Variants in SLC35F1 observed in about 807,000 individuals in gnomAD.
SLC35F1 encodes solute carrier family 35 member F1, also known as chromosome 6 open reading frame 169.
SLC35F1 carries 14 observed loss-of-function variants against 48.7 expected under a neutral mutation model. That is an observed-to-expected ratio of 0.29 (90% CI 0.19 to 0.45). The LOEUF (loss-of-function observed/expected upper bound fraction) is 0.45, where lower values mean the gene tolerates loss of function less well. Among genes scored for constraint, SLC35F1 ranks in the 20% least tolerant of loss-of-function variants. SLC35F1 has a pLI of 1.00. For synonymous variants in SLC35F1, 190 were observed against 202.2 expected (o/e 0.94, Z 0.51); for missense variants, 404 against 500.0 (o/e 0.81, Z 1.83).
chr6:118,046,298 A>G (rs771667928), intron 1 of SLC35F1, among the ~76,000 whole-genome samples: 1 of 152,206 alleles, frequency 6.6e-6, no homozygotes, highest in Non-Finnish European at 1.5e-5. Context: ...AAGCTGTGAT[A>G]GTGGCCAAAA....
At chr6:118,222,924 T>G (rs1775169585) in intron 2 of SLC35F1, among the ~76,000 whole-genome samples, 1 of 152,214 alleles carries the variant, frequency 6.6e-6, no homozygotes, top group African/African-American at 2.4e-5. Context: ...CTGACCCAGA[T>G]CTGCAATCAG....
At chr6:117,919,493 C>G (rs997849370) in intron 1 of SLC35F1, among the ~76,000 whole-genome samples, 19 of 152,054 alleles carry the variant, frequency 1.2e-4, no homozygotes, top group African/African-American at 3.9e-4. Context: ...TGGCTTTGCG[C>G]TGTCATCTGG....
At chr6:118,192,374 TTTTACC>T (rs960339633) in intron 2 of SLC35F1, among the ~76,000 whole-genome samples, 1 of 152,130 alleles carries the variant, frequency 6.6e-6, no homozygotes, top group African/African-American at 2.4e-5. Flanking sequence ...CATGGGGAAT[TTTTACC>T]CATGATACGA....
At chr6:118,150,942 T>A (rs1167369463) in intron 1 of SLC35F1, among the ~76,000 whole-genome samples, 4 of 152,096 alleles carry the variant, frequency 2.6e-5, no homozygotes, top group Non-Finnish European at 5.9e-5. Flanking sequence ...AACTCTCTGT[T>A]CTCTTGGTTT....
At chr6:118,223,003 A>G (rs1033668919) in intron 2 of SLC35F1, among the ~76,000 whole-genome samples, 3 of 152,168 alleles carry the variant, frequency 2.0e-5, no homozygotes, top group South Asian at 2.1e-4. Context: ...TCTGGGTTCT[A>G]TGGTGCTTGT....
chr6:118,092,607 C>T (rs906103050), intron 1 of SLC35F1, among the ~76,000 whole-genome samples: 10 of 152,314 alleles, frequency 6.6e-5, no homozygotes, highest in Admixed American at 4.6e-4. Flanking sequence ...ACACTCAATG[C>T]CAGCCCATGA....
At chr6:118,135,407 C>A (rs1384404117) in intron 1 of SLC35F1, among the ~76,000 whole-genome samples, 1 of 152,180 alleles carries the variant, frequency 6.6e-6, no homozygotes, top group Non-Finnish European at 1.5e-5. Flanking sequence ...ACAACAGAAA[C>A]ACAGTTTATG....
chr6:118,071,079 G>GTGTA (rs1772712806), intron 1 of SLC35F1, among the ~76,000 whole-genome samples: 4 of 1,470 alleles, frequency 2.7e-3, no homozygotes, highest in Non-Finnish European at 3.4e-3. Flanking sequence ...TATACTATGT[G>GTGTA]TATATATACA....
At chr6:118,124,602 G>A (rs1418446984) in intron 1 of SLC35F1, among the ~76,000 whole-genome samples, 1 of 152,098 alleles carries the variant, frequency 6.6e-6, no homozygotes, top group African/African-American at 2.4e-5. Context: ...TTTTGTTACT[G>A]AGCCGGCCCA....
intron 3 of SLC35F1, among the ~76,000 whole-genome samples, chr6:118,241,299 G>C (rs892961606): frequency 6.6e-6 from 1 of 152,150 alleles, no homozygotes; most frequent in African/African-American, 2.4e-5. Context: ...TAAACAAAAA[G>C]GCATAAAGAG....
chr6:118,270,001 C>A (rs1445934756), intron 4 of SLC35F1, among the ~76,000 whole-genome samples: 1 of 152,100 alleles, frequency 6.6e-6, no homozygotes, highest in Non-Finnish European at 1.5e-5. Flanking sequence ...GCACTCTAGC[C>A]TGGGCAACAG....
At chr6:118,139,932 A>C (rs929677014) in intron 1 of SLC35F1, among the ~76,000 whole-genome samples, 6 of 152,034 alleles carry the variant, frequency 3.9e-5, no homozygotes, top group African/African-American at 1.2e-4. Flanking sequence ...TAGCACAAAA[A>C]ATTTTTCGAG....
chr6:117,931,500 T>G (rs1776101533), intron 1 of SLC35F1, among the ~76,000 whole-genome samples: 1 of 152,252 alleles, frequency 6.6e-6, no homozygotes, highest in African/African-American at 2.4e-5. Flanking sequence ...ACTAGTGAAT[T>G]TAACCTTGTC....
Position 118,316,342 on chromosome 6 carries a change from A to G in SLC35F1, c.*2090A>G, listed in dbSNP as rs986063497. ...AAATATCAGCGTTAAAGCTCTATCAAATCAAAACAACTTTGCCAACATCTT... is the reference window on the plus strand; with the variant it reads ...AAATATCAGCGTTAAAGCTCTATCAGATCAAAACAACTTTGCCAACATCTT... On this transcript the variant is annotated 3_prime_UTR_variant, in exon 8 of 8. Transcript: ENST00000360388. The G allele has an allele frequency of 1.3e-5, 2 of 152,678 alleles. No individual in the cohort carries two copies. The highest frequency in any genetic ancestry group is 2.9e-5 in the Non-Finnish European group (2 of 68,044). 9.5% of individuals were successfully genotyped at this position (152,678 alleles called of 1,614,324 possible). A position where few individuals can be genotyped will look rare whatever the true frequency, so the allele number is the denominator to read the frequency against.
intron 1 of SLC35F1, among the ~76,000 whole-genome samples, chr6:118,035,722 C>A (rs1202671277): frequency 7.8e-6 from 1 of 127,736 alleles, no homozygotes; most frequent in African/African-American, 3.0e-5. Context: ...CGGAGTCTCG[C>A]TCTGTCACCC....
intron 2 of SLC35F1, among the ~76,000 whole-genome samples, chr6:118,181,283 C>T (rs529984925): frequency 6.6e-6 from 1 of 152,076 alleles, no homozygotes; most frequent in Non-Finnish European, 1.5e-5. Context: ...AGGTATGAAT[C>T]TGGAAAAAAA....
chr6:118,280,221 A>T (rs1337109647), intron 6 of SLC35F1, among the ~76,000 whole-genome samples: 1 of 152,186 alleles, frequency 6.6e-6, no homozygotes, highest in African/African-American at 2.4e-5. Context: ...AGCTAAAAAT[A>T]CCCTTCTGGG....
intron 1 of SLC35F1, among the ~76,000 whole-genome samples, chr6:118,030,647 A>G (rs1772031908): frequency 1.3e-5 from 2 of 152,140 alleles, no homozygotes; most frequent in Admixed American, 1.3e-4. Context: ...GGAGATGGAA[A>G]ACACAATCAT....
At chr6:117,916,533 G>A (rs1775828093) in intron 1 of SLC35F1, among the ~76,000 whole-genome samples, 1 of 152,180 alleles carries the variant, frequency 6.6e-6, no homozygotes, top group African/African-American at 2.4e-5. Context: ...AGGTGATGAT[G>A]TGGAAGCAGT....
Sources: gnomAD v4.1 joint callset for allele counts (sites outside exome capture counted in the v4.1 genomes callset) on GRCh38, gnomAD v4.1.1 for gene constraint, MANE v1.5 for transcripts, NCBI Gene and HGNC (gene_info 2026-07-23, HGNC 2026-07-21) for gene names.